The following WDR25 variants were observed in gnomAD, a reference collection of about 807,000 sequenced individuals.
The protein encoded by WDR25 is WD repeat domain 25.
WDR25 carries 35 observed loss-of-function variants against 47.7 expected under a neutral mutation model. The observed-to-expected ratio is 0.73, with a 90% CI of 0.56 to 0.97. The LOEUF (loss-of-function observed/expected upper bound fraction) is 0.97. Ranked by LOEUF, WDR25 falls within the 50% of genes least tolerant of loss-of-function variation. The pLI, the probability that WDR25 is intolerant of heterozygous loss-of-function variation, is 0.00. For synonymous variants in WDR25, 248 were observed against 278.9 expected (o/e 0.89, Z 1.10); for missense variants, 634 against 704.7 (o/e 0.90, Z 1.14).
intron 3 of WDR25, among the ~76,000 whole-genome samples, chr14:100,471,022 T>C (rs1436513706): frequency 6.6e-6 from 1 of 152,200 alleles, no homozygotes; most frequent in Admixed American, 6.5e-5. Flanking sequence ...GTGCACCCAC[T>C]GCGTGTAGGA....
chr14:100,499,716 G>A lies in WDR25; in HGVS notation c.1101+15592G>A, dbSNP rs1482132284. Among the ~76,000 whole-genome samples, 5 of 152,118 alleles carry A rather than the reference G, an allele frequency of 3.3e-5. No homozygotes were observed. The East Asian group carries it at 9.6e-4, about 29-fold the overall frequency. On this transcript the variant is annotated intron_variant, in intron 4 of 6. Coordinates refer to ENST00000402312, the MANE Select transcript of WDR25 (RefSeq NM_001161476.3). This position sits in a 1 kb window ranked among gnomAD's most constrained non-coding sequence, Gnocchi z 4.4. ...AGGAAGGAAGTGGGGCTGGGAGATA[G>A]AGCAGACGGGCCACAAGAGGCCTCC...
At chr14:100,484,806 A>G (rs1900328307) in intron 4 of WDR25, among the ~76,000 whole-genome samples, 1 of 152,148 alleles carries the variant, frequency 6.6e-6, no homozygotes, top group Non-Finnish European at 1.5e-5. Context: ...CAGCTGTTGT[A>G]GCTCTGCTAT....
rs1002260416 is a variant in WDR25, at chr14:100,381,684, T to C, written c.760T>C (p.Trp254Arg). Residue 254 changes from tryptophan (W) to arginine (R), a missense_variant, in exon 2 of 7, where the codon TGG becomes CGG. Trp to Arg is a moderately radical substitution (Grantham distance 101, BLOSUM62 -3). Transcript: ENST00000402312. ...CAGGGGCCCTGTCAACACCATTCAG[T>C]GGTGTCCAGTCCTTTCTAAGAGCCA... is the stretch of plus-strand genomic sequence containing the variant. The part of the protein sequence containing the change: ...GHRGPVNTIQ[W>R]CPVLSKSHML... 1.2e-6 allele frequency: 2 copies of C among 1,614,176 alleles called. No individual in the cohort carries two copies. Among genetic ancestry groups the C allele is most frequent in the Non-Finnish European group, 1.7e-6 (2 of 1,180,018 alleles).
chr14:100,527,070 A>ACC (rs1595091361), intron 5 of WDR25, among the ~76,000 whole-genome samples: 1 of 148,698 alleles, frequency 6.7e-6, no homozygotes, highest in Non-Finnish European at 1.5e-5. Context: ...CTCCGTCACT[A>ACC]CCACCAACTG....
chr14:100,496,234 G>T (rs367573151), intron 4 of WDR25, among the ~76,000 whole-genome samples: 84 of 152,338 alleles, frequency 5.5e-4, no homozygotes, highest in African/African-American at 1.9e-3. Context: ...GTGAGACTTG[G>T]TAGTTGCATG....
chr14:100,506,578 A>T lies in WDR25; in HGVS notation c.1102-19292A>T, dbSNP rs1901119168. ...CTCTGCAGCCTTGCTAGCACCTGTT[A>T]TTTTTTTGACTTTTTAGTAATAGCC... On this transcript the variant is annotated intron_variant, in intron 4 of 6. Transcript: ENST00000402312. This position sits in a 1 kb window ranked among gnomAD's most constrained non-coding sequence, Gnocchi z 4.8. Among the ~76,000 whole-genome samples the T allele has an allele frequency of 6.6e-6, 1 of 151,874 alleles. No homozygotes were observed. The highest frequency in any genetic ancestry group is 1.5e-5 in the Non-Finnish European group (1 of 67,914).
At chr14:100,472,280 C>G (rs2140302525) in intron 3 of WDR25, among the ~76,000 whole-genome samples, 1 of 152,362 alleles carries the variant, frequency 6.6e-6, no homozygotes, top group South Asian at 2.1e-4. Flanking sequence ...TGCGCTGGCT[C>G]CTCTGAGCCA....
In WDR25 at chr14:100,440,398, T is replaced by C. The variant is rs1469318005; in HGVS notation, c.823-27623T>C. Among the ~76,000 whole-genome samples the C allele has an allele frequency of 1.3e-5, 2 of 152,230 alleles. No homozygotes were observed. The highest frequency in any genetic ancestry group is 4.8e-5 in the African/African-American group (2 of 41,460). ...GCCAGACACCTGGCTTTGAGTCCCG[T>C]GGAGGCATGCCACTTAGTCTGTTCT... On this transcript the variant is annotated intron_variant, in intron 2 of 6. Transcript: ENST00000402312. The surrounding 1 kb of genome is among the most constrained non-coding windows in gnomAD (Gnocchi z 4.4).
chr14:100,466,617 C>T (rs1388027405), intron 2 of WDR25, among the ~76,000 whole-genome samples: 1 of 152,242 alleles, frequency 6.6e-6, no homozygotes, highest in African/African-American at 2.4e-5. Context: ...CTTATTCCCA[C>T]TTCAGGGAGG....
intron 2 of WDR25, among the ~76,000 whole-genome samples, chr14:100,466,695 G>A (rs1312317564): frequency 6.6e-6 from 1 of 152,232 alleles, no homozygotes; most frequent in Non-Finnish European, 1.5e-5. Flanking sequence ...AGCCGTATCA[G>A]GTGGGAGGCA....
At chr14:100,438,976 C>T (rs752326978) in intron 2 of WDR25, among the ~76,000 whole-genome samples, 26 of 152,176 alleles carry the variant, frequency 1.7e-4, no homozygotes, top group Non-Finnish European at 3.8e-4. Flanking sequence ...TAGCACATGG[C>T]CAATTGACCA....
At chr14:100,382,189 G>A (rs749561952) in intron 2 of WDR25, 43 of 702,862 alleles carry the variant, frequency 6.1e-5, no homozygotes, top group South Asian at 1.9e-4. Flanking sequence ...GGCTTGCACA[G>A]TGAGGCGGGA....
chr14:100,477,726 G>A (rs1300616236), intron 3 of WDR25, among the ~76,000 whole-genome samples: 1 of 152,160 alleles, frequency 6.6e-6, no homozygotes, highest in African/African-American at 2.4e-5. Context: ...GGCAGCCCAG[G>A]GCGTTGTATT....
rs1185487203 is a variant in WDR25 at position 100,457,143 on chromosome 14, C to T, written c.823-10878C>T. Among the ~76,000 whole-genome samples, 3 of 152,218 alleles carry T rather than the reference C, an allele frequency of 2.0e-5. No individual in the cohort carries two copies. In the East Asian group the frequency reaches 5.8e-4, roughly 29 times the overall value. On this transcript the variant is annotated intron_variant, in intron 2 of 6. Coordinates refer to ENST00000402312, the MANE Select transcript of WDR25 (RefSeq NM_001161476.3). Reference sequence around the variant, plus strand: ...AGCTAATTTGTATTTTTAATAGAGACAGGGTTTCACCATATAGGCCAGGCT... The same window carrying T: ...AGCTAATTTGTATTTTTAATAGAGATAGGGTTTCACCATATAGGCCAGGCT...
chr14:100,382,345 C>A (rs960526297), intron 2 of WDR25, among the ~76,000 whole-genome samples: 1 of 152,102 alleles, frequency 6.6e-6, no homozygotes, highest in Non-Finnish European at 1.5e-5. Context: ...GGAAGGTTCG[C>A]TTGGGGATGG....
intron 4 of WDR25, among the ~76,000 whole-genome samples, chr14:100,507,645 A>G (rs1595157436): frequency 7.1e-6 from 1 of 141,452 alleles, no homozygotes; most frequent in Non-Finnish European, 1.5e-5. Context: ...ATTCCTAGGT[A>G]TTTGTGTTTT....
intron 2 of WDR25, among the ~76,000 whole-genome samples, chr14:100,410,107 C>G (rs1897662746): frequency 6.6e-6 from 1 of 152,160 alleles, no homozygotes. Flanking sequence ...ATCTGAGTTT[C>G]CAGAGGGAGA....
chr14:100,456,645 T>G (rs1899214224), intron 2 of WDR25, among the ~76,000 whole-genome samples: 1 of 152,098 alleles, frequency 6.6e-6, no homozygotes, highest in African/African-American at 2.4e-5. Context: ...GATCAGAAAC[T>G]ATAAAAGAGG....
intron 4 of WDR25, among the ~76,000 whole-genome samples, chr14:100,517,106 GTTTTTT>G (rs796096587): frequency 3.0e-5 from 2 of 65,878 alleles, no homozygotes; most frequent in South Asian, 4.5e-4. Flanking sequence ...TATCTCCTCT[GTTTTTT>G]TTTTTTTTTT....
Sources: allele counts gnomAD v4.1 joint callset (sites outside exome capture counted in the v4.1 genomes callset), GRCh38; gene constraint gnomAD v4.1.1; non-coding constraint Gnocchi (gnomAD v3.1); transcripts MANE v1.5; gene names NCBI Gene and HGNC (gene_info 2026-07-23, HGNC 2026-07-21).